PPA2: variants seen among roughly 807,000 people sequenced by gnomAD.
The protein encoded by PPA2 is inorganic pyrophosphatase 2.
In PPA2, 48 loss-of-function variants were observed where a neutral mutation model predicts 49.5. The observed-to-expected ratio is 0.97, with a 90% CI of 0.77 to 1.23. The LOEUF is 1.23. PPA2 is among the 50% of genes most tolerant of loss of function. PPA2 has a pLI of 0.00. For synonymous variants in PPA2, 131 were observed against 139.9 expected (o/e 0.94, Z 0.45); for missense variants, 429 against 410.1 (o/e 1.05, Z -0.40).
chr4:105,454,772 C>G (rs561458258), intron 2 of PPA2, among the ~76,000 whole-genome samples: 1 of 152,242 alleles, frequency 6.6e-6, no homozygotes, highest in East Asian at 1.9e-4. Flanking sequence ...ACTGGCATAT[C>G]CTGTTGTATT....
In PPA2 at chr4:105,424,231, A is replaced by T. The variant is rs1482692338; in HGVS notation, c.620T>A (p.Ile207Asn). 6.2e-7 allele frequency: 1 copy of T among 1,609,504 alleles called. No individual in the cohort carries two copies. The highest frequency in any genetic ancestry group is 8.5e-7 in the Non-Finnish European group (1 of 1,178,982). ...EGETDWKLIA[I>N]NANDPEASKF... is the part of the protein sequence containing the mutation. ...TGAGGCTTCAGGATCATTCGCATTG[A>T]TAGCAATTAATTTCCAATCTGTTTC... Residue 207 changes from isoleucine to asparagine, a missense_variant, in exon 7 of 12, where the codon ATC becomes AAC. Physicochemically the swap from Ile to Asn is moderately radical, Grantham distance 149. Transcript: ENST00000341695.
intron 10 of PPA2, among the ~76,000 whole-genome samples, chr4:105,379,237 C>T (rs1733376304): frequency 2.6e-5 from 4 of 151,692 alleles, no homozygotes; most frequent in Admixed American, 2.6e-4. Context: ...AGAGTTATTC[C>T]TAAGTGTTTC....
intron 1 of PPA2, among the ~76,000 whole-genome samples, chr4:105,469,152 G>A (rs1723424639): frequency 6.6e-6 from 1 of 151,994 alleles, no homozygotes; most frequent in South Asian, 2.1e-4. Flanking sequence ...TTTATTATAG[G>A]GGAAAAGAGA....
At chr4:105,427,612 C>T (rs1393034120) in intron 6 of PPA2, among the ~76,000 whole-genome samples, 1 of 151,772 alleles carries the variant, frequency 6.6e-6, no homozygotes, top group Non-Finnish European at 1.5e-5. Flanking sequence ...GACTGAAGAT[C>T]AAATTAATGA....
At chr4:105,436,583 A>AGTACTGGTATAAAAATAAACATG (rs1724067245) in intron 6 of PPA2, among the ~76,000 whole-genome samples, 2 of 152,044 alleles carry the variant, frequency 1.3e-5, no homozygotes, top group African/African-American at 4.8e-5. Flanking sequence ...ACATAGCTGT[A>AGTACTGGTATAAAAATAAACATG]GTACTGGTAT....
At chr4:105,453,541 A>C (rs2110312302) in intron 3 of PPA2, 57 bp downstream of exon 3, 1 of 1,260,718 alleles carries the variant, frequency 7.9e-7, no homozygotes, top group Non-Finnish European at 1.1e-6. Context: ...ACTATCATCA[A>C]GGTATTTAAC....
chr4:105,421,405 T>A (rs1160188556), intron 7 of PPA2, among the ~76,000 whole-genome samples: 2 of 152,172 alleles, frequency 1.3e-5, no homozygotes, highest in Non-Finnish European at 2.9e-5. Context: ...GTACTTTTTT[T>A]ATACTTCTGA....
chr4:105,419,596 T>C (rs1286793296), intron 7 of PPA2, among the ~76,000 whole-genome samples: 1 of 152,208 alleles, frequency 6.6e-6, no homozygotes, highest in Non-Finnish European at 1.5e-5. Flanking sequence ...AAAAACTTTT[T>C]TTACTAATTG....
intron 10 of PPA2, among the ~76,000 whole-genome samples, chr4:105,377,544 G>A (rs1733307667): frequency 6.6e-6 from 1 of 152,074 alleles, no homozygotes; most frequent in African/African-American, 2.4e-5. Flanking sequence ...CAAAAGATGT[G>A]TCATTAGACT....
chr4:105,473,399 C>G, intron 1 of PPA2: 1 of 361,208 alleles, frequency 2.8e-6, no homozygotes, highest in South Asian at 2.1e-5. Context: ...AGAAGACGCG[C>G]TGGATTAGGC....
rs575746349 is a variant in PPA2, at chr4:105,369,194, G to A, written c.*531C>T. 6.6e-6 allele frequency: 1 copy of A among 151,940 alleles called. No individual in the cohort carries two copies. Among genetic ancestry groups the A allele is most frequent in the African/African-American group, 2.4e-5 (1 of 41,342 alleles). 9.4% of individuals were successfully genotyped at this position (151,940 alleles called of 1,614,324 possible). A position where few individuals can be genotyped will look rare whatever the true frequency, so the allele number is the denominator to read the frequency against. The stretch of plus-strand genomic sequence containing the variant: ...AGAAACTAGAAATGGTCAACTCAAT[G>A]CCTCTAAATTTGTGCTATGAAATGA... On this transcript the variant is annotated 3_prime_UTR_variant, in exon 12 of 12. Transcript: ENST00000341695.
intron 9 of PPA2, among the ~76,000 whole-genome samples, chr4:105,393,130 A>T (rs1035611741): frequency 2.6e-5 from 4 of 152,174 alleles, no homozygotes; most frequent in African/African-American, 9.7e-5. Flanking sequence ...GTGATGGAAA[A>T]TGAGGCAAGA....
chr4:105,379,881 A>G (rs925983001), intron 10 of PPA2, among the ~76,000 whole-genome samples: 1 of 152,006 alleles, frequency 6.6e-6, no homozygotes, highest in African/African-American at 2.4e-5. Context: ...CAATCCACCT[A>G]TCTTGGCCTC....
At chr4:105,453,197 C>CA (rs1419332953) in intron 3 of PPA2, among the ~76,000 whole-genome samples, 1 of 152,134 alleles carries the variant, frequency 6.6e-6, no homozygotes, top group Non-Finnish European at 1.5e-5. Context: ...CTGCAACAGT[C>CA]AAATTCATAA....
intron 7 of PPA2, among the ~76,000 whole-genome samples, chr4:105,404,743 C>T (rs9992793): frequency 0.47 from 72,095 of 151,974 alleles, 17,354 homozygotes; most frequent in East Asian, 0.71. Context: ...GCCAAAGTTA[C>T]ACTTACAGGC....
chr4:105,459,571 A>C (rs1415936751), intron 1 of PPA2, among the ~76,000 whole-genome samples: 4 of 152,248 alleles, frequency 2.6e-5, no homozygotes, highest in Non-Finnish European at 5.9e-5. Context: ...TAAGTATTTA[A>C]CTGAGAAATA....
chr4:105,394,373 C>CAAAAAAA (rs34736301), intron 9 of PPA2, among the ~76,000 whole-genome samples: 3 of 96,866 alleles, frequency 3.1e-5, no homozygotes, highest in Non-Finnish European at 3.9e-5. Context: ...GATTCCATTT[C>CAAAAAAA]AAAAAAAAAA....
intron 7 of PPA2, among the ~76,000 whole-genome samples, chr4:105,406,708 CATTATACTGGGTTT>C (rs1722492150): frequency 6.6e-6 from 1 of 152,150 alleles, no homozygotes; most frequent in Admixed American, 6.5e-5. Flanking sequence ...AGTAGACCCT[CATTATACTGGGTTT>C]TGCAACCTGA....
At chr4:105,444,880 C>A (rs1462527301) in intron 5 of PPA2, among the ~76,000 whole-genome samples, 1 of 152,136 alleles carries the variant, frequency 6.6e-6, no homozygotes, top group Non-Finnish European at 1.5e-5. Context: ...ATGTTACACA[C>A]TATTCAAATG....
Sources: allele counts gnomAD v4.1 joint callset (sites outside exome capture counted in the v4.1 genomes callset), GRCh38; gene constraint gnomAD v4.1.1; transcripts MANE v1.5; gene names NCBI Gene and HGNC (gene_info 2026-07-23, HGNC 2026-07-21).